Variants in RFFL observed in about 807,000 individuals in gnomAD.
RFFL encodes ring finger and FYVE like domain containing E3 ubiquitin protein ligase.
In RFFL, 16 loss-of-function variants were observed where a neutral mutation model predicts 40.4. The ratio of observed to expected loss-of-function variants is 0.40; its 90% confidence interval spans 0.27 to 0.60. RFFL has a LOEUF of 0.60. Among genes scored for constraint, RFFL ranks in the 20% least tolerant of loss-of-function variants. The probability of loss-of-function intolerance (pLI) is 0.47; values close to 1 mark genes in which losing one functional copy is unlikely to be tolerated. For missense variants in RFFL, 367 were observed against 451.7 expected (o/e 0.81, Z 1.70); for synonymous variants, 154 against 167.9 (o/e 0.92, Z 0.64).
At chr17:35,069,958 G>GA (rs780220073) in intron 1 of RFFL, among the ~76,000 whole-genome samples, 7 of 151,736 alleles carry the variant, frequency 4.6e-5, no homozygotes, top group Non-Finnish European at 7.4e-5. Context: ...TTACCCATTT[G>GA]AAAAAAAGCA....
At position 35,012,055 on chromosome 17, in the gene RFFL, T is replaced by C. The variant is rs151008806; in HGVS notation, c.1005A>G (p.Val335=). 2.5e-5 allele frequency: 41 copies of C among 1,614,142 alleles called. No homozygotes were observed. The African/African-American group carries it at 4.8e-4, about 19-fold the overall frequency. ...TGCGCTTGCCACACTTGGTACAGGT[T>C]ACCATGTGGCCACACTCCAGAAGAA... is the stretch of plus-strand genomic sequence containing the variant. The part of the protein sequence containing the change: ...DCVLLECGHM[V]TCTKCGKRMN... Residue 335 remains valine, a synonymous_variant, in exon 7 of 7, where the codon GTA becomes GTG. Coordinates refer to ENST00000394597, the MANE Select transcript of RFFL (RefSeq NM_001017368.2).
chr17:35,013,228 C>T (rs1174345749), intron 6 of RFFL, among the ~76,000 whole-genome samples: 4 of 152,250 alleles, frequency 2.6e-5, no homozygotes, highest in Non-Finnish European at 4.4e-5. Context: ...AGGCTGGCCC[C>T]ACAGCTCCTG....
chr17:35,068,361 G>A (rs527476997), upstream of RFFL, among the ~76,000 whole-genome samples: 1 of 152,342 alleles, frequency 6.6e-6, no homozygotes, highest in African/African-American at 2.4e-5. Flanking sequence ...GCCTCTCCTG[G>A]GAGATAGAGG....
chr17:35,080,543 C>T (rs991797567), intron 1 of RFFL, among the ~76,000 whole-genome samples: 3 of 152,088 alleles, frequency 2.0e-5, no homozygotes, highest in East Asian at 1.9e-4. Context: ...GGAGGATGCA[C>T]GATTTACTTA....
chr17:35,069,315 T>G, intron 1 of RFFL: 1 of 456,700 alleles, frequency 2.2e-6, no homozygotes, highest in Non-Finnish European at 4.4e-6. Flanking sequence ...TCCCCAAGTC[T>G]AGGGGGCCTT....
intron 1 of RFFL, among the ~76,000 whole-genome samples, chr17:35,048,441 T>C (rs1198369570): frequency 6.6e-6 from 1 of 152,082 alleles, no homozygotes; most frequent in Non-Finnish European, 1.5e-5. Context: ...AATAAAAATT[T>C]AGGTATGCCA....
At position 35,031,704 on chromosome 17, in the gene RFFL, C is replaced by T. The variant is rs146254031; in HGVS notation, c.-8-5143G>A. 7.2e-4 allele frequency among the ~76,000 whole-genome samples: 109 copies of T among 152,030 alleles called. 3 individuals carry two copies. Among genetic ancestry groups the T allele is most frequent in the African/African-American group, 2.5e-3 (105 of 41,340 alleles). ...CTTTTCAAATGAGGTGCCGCACATC[C>T]TATCATGATGTGGGAGTAACTGGGA... On this transcript the variant is annotated intron_variant, in intron 1 of 6. Transcript: ENST00000394597.
intron 1 of RFFL, among the ~76,000 whole-genome samples, chr17:35,086,420 C>T (rs989955716): frequency 1.3e-5 from 2 of 151,090 alleles, no homozygotes; most frequent in Non-Finnish European, 2.9e-5. Flanking sequence ...AAGGTTGCAT[C>T]GAGCTGAAAT....
intron 1 of RFFL, among the ~76,000 whole-genome samples, chr17:35,053,634 C>A (rs777514052): frequency 5.3e-5 from 8 of 152,252 alleles, no homozygotes; most frequent in Admixed American, 2.6e-4. Flanking sequence ...GATAATTGTA[C>A]CTACTTTGCA....
At chr17:35,035,918 G>A (rs1209909396) in intron 1 of RFFL, among the ~76,000 whole-genome samples, 1 of 151,934 alleles carries the variant, frequency 6.6e-6, no homozygotes, top group Non-Finnish European at 1.5e-5. Flanking sequence ...GGCCAGACTG[G>A]TCTTGAACTC....
chr17:35,040,980 A>G (rs2091161789), intron 1 of RFFL, among the ~76,000 whole-genome samples: 1 of 149,870 alleles, frequency 6.7e-6, no homozygotes, highest in Non-Finnish European at 1.5e-5. Context: ...CTGGGCTCTA[A>G]GGATCCTCCT....
At chr17:35,055,200 G>C (rs1399226114) in intron 1 of RFFL, among the ~76,000 whole-genome samples, 1 of 152,036 alleles carries the variant, frequency 6.6e-6, no homozygotes, top group African/African-American at 2.4e-5. Context: ...TTACAGGCGT[G>C]AGCCACAGCG....
chr17:35,081,305 T>C (rs1310744825), intron 1 of RFFL, among the ~76,000 whole-genome samples: 1 of 152,202 alleles, frequency 6.6e-6, no homozygotes, highest in Non-Finnish European at 1.5e-5. Flanking sequence ...TAACTTCAGT[T>C]ATTGAAGACT....
At chr17:35,039,680 C>T (rs186017294) in intron 1 of RFFL, among the ~76,000 whole-genome samples, 66 of 151,896 alleles carry the variant, frequency 4.3e-4, no homozygotes, top group African/African-American at 1.3e-3. Flanking sequence ...ATATTTGACT[C>T]CACTTTTTTT....
chr17:35,022,949 C>A (rs2091018785), intron 2 of RFFL, among the ~76,000 whole-genome samples: 1 of 152,214 alleles, frequency 6.6e-6, no homozygotes, highest in Non-Finnish European at 1.5e-5. Context: ...GCTGACAACA[C>A]AGGAAGGCTT....
chr17:35,027,408 T>G (rs2091049168), intron 1 of RFFL, among the ~76,000 whole-genome samples: 1 of 152,206 alleles, frequency 6.6e-6, no homozygotes, highest in Non-Finnish European at 1.5e-5. Flanking sequence ...CCTTACTGAA[T>G]CAGAGCCTCT....
chr17:35,033,933 G>A (rs1266337300), intron 1 of RFFL, among the ~76,000 whole-genome samples: 1 of 151,850 alleles, frequency 6.6e-6, no homozygotes, highest in Non-Finnish European at 1.5e-5. Flanking sequence ...ACGAGGTCAG[G>A]AGATCGAGAC....
intron 1 of RFFL, among the ~76,000 whole-genome samples, chr17:35,057,577 C>A (rs1216484472): frequency 1.3e-5 from 2 of 150,382 alleles, no homozygotes; most frequent in African/African-American, 4.9e-5. Context: ...TCAGGTAACT[C>A]CCAAAAGTGA....
At chr17:35,077,258 T>C (rs1273341739) in intron 1 of RFFL, among the ~76,000 whole-genome samples, 1 of 151,972 alleles carries the variant, frequency 6.6e-6, no homozygotes, top group Non-Finnish European at 1.5e-5. Flanking sequence ...CAGTTATAGG[T>C]GGCATGAGGA....
Sources: allele counts gnomAD v4.1 joint callset (sites outside exome capture counted in the v4.1 genomes callset), GRCh38; gene constraint gnomAD v4.1.1; transcripts MANE v1.5; gene names NCBI Gene and HGNC (gene_info 2026-07-23, HGNC 2026-07-21).